TBXAS1: variants seen among roughly 807,000 people sequenced by gnomAD.
The protein encoded by TBXAS1 is thromboxane-A synthase.
In TBXAS1, 48 loss-of-function variants were observed where a neutral mutation model predicts 60.7. The observed-to-expected ratio is 0.79, with a 90% confidence interval of 0.63 to 1.01. TBXAS1 has a LOEUF of 1.01. Among genes scored for constraint, TBXAS1 ranks in the 50% least tolerant of loss-of-function variants. The probability of loss-of-function intolerance (pLI) is 0.00; values close to 1 mark genes in which losing one functional copy is unlikely to be tolerated. For missense variants in TBXAS1, 685 were observed against 686.3 expected, an observed-to-expected ratio of 1.00 and a Z score of 0.02; for synonymous variants, 287 against 269.7, an observed-to-expected ratio of 1.06 and a Z score of -0.63.
intron 1 of TBXAS1, among the ~76,000 whole-genome samples, chr7:139,870,058 A>C (rs1439992196): frequency 6.6e-6 from 1 of 152,196 alleles, no homozygotes; most frequent in East Asian, 1.9e-4. Flanking sequence ...GAAGATGCTC[A>C]AGTTCCAGAT....
upstream of TBXAS1, among the ~76,000 whole-genome samples, chr7:139,826,853 G>A (rs1486578877): frequency 6.6e-6 from 1 of 152,128 alleles, no homozygotes; most frequent in African/African-American, 2.4e-5. Context: ...TGTCTCCAGG[G>A]CATCTCAGGC....
At chr7:139,813,117 A>C (rs982258828) in intron 4 of TBXAS1, among the ~76,000 whole-genome samples, 10 of 111,966 alleles carry the variant, frequency 8.9e-5, no homozygotes, top group African/African-American at 2.8e-4. Context: ...ATAAAATAAA[A>C]TAAAATAAAA....
chr7:139,867,474 T>A (rs1801505064), intron 1 of TBXAS1, among the ~76,000 whole-genome samples: 1 of 152,186 alleles, frequency 6.6e-6, no homozygotes, highest in Admixed American at 6.5e-5. Context: ...TTATCAGAAG[T>A]GGCTTCTTTG....
chr7:139,890,340 C>A (rs574316198), intron 3 of TBXAS1, among the ~76,000 whole-genome samples: 25 of 151,284 alleles, frequency 1.7e-4, no homozygotes, highest in Non-Finnish European at 2.8e-4. Flanking sequence ...CTCAGCCTCC[C>A]GAGTAGCTGG....
chr7:139,989,351 C>G (rs992802737), intron 9 of TBXAS1, among the ~76,000 whole-genome samples: 1 of 152,180 alleles, frequency 6.6e-6, no homozygotes, highest in Non-Finnish European at 1.5e-5. Context: ...TGGCCACTTC[C>G]GTGGGCCCAG....
chr7:140,017,289 T>C (rs998813668), intron 11 of TBXAS1, among the ~76,000 whole-genome samples: 2 of 151,974 alleles, frequency 1.3e-5, no homozygotes, highest in Non-Finnish European at 2.9e-5. Context: ...GGTCATCCTA[T>C]GGGAGGGGAG....
intron 1 of TBXAS1, among the ~76,000 whole-genome samples, chr7:139,858,369 A>G (rs1263286146): frequency 6.6e-6 from 1 of 152,180 alleles, no homozygotes; most frequent in Non-Finnish European, 1.5e-5. Context: ...GGACATAATA[A>G]GTGGAGACCA....
At chr7:140,003,640 A>G (rs1813854134) in intron 9 of TBXAS1, among the ~76,000 whole-genome samples, 2 of 152,208 alleles carry the variant, frequency 1.3e-5, no homozygotes, top group African/African-American at 4.8e-5. Context: ...TTCTTTGACA[A>G]ACCGTGACAA....
intron 2 of TBXAS1, among the ~76,000 whole-genome samples, chr7:139,781,944 C>A (rs1003900904): frequency 1.3e-5 from 2 of 148,702 alleles, no homozygotes; most frequent in Non-Finnish European, 3.0e-5. Flanking sequence ...ATACAGGTTT[C>A]TTAAATTCTA....
Position 139,955,701 on chromosome 7 carries a change from C to A in TBXAS1, c.688+94C>A, listed in dbSNP as rs146275555. The A allele has an allele frequency of 5.0e-3, 7,774 of 1,567,124 alleles. 32 individuals carry two copies. Among genetic ancestry groups the A allele is most frequent in the Non-Finnish European group, 4.9e-3 (5,615 of 1,148,294 alleles). On this transcript the variant is annotated intron_variant, in intron 7 of 12. Coordinates refer to ENST00000448866, the MANE Select transcript of TBXAS1 (RefSeq NM_001061.7). Reference sequence around the variant, plus strand: ...GGTGGCTTCTGGGGCTCTGTCCCTGCCACTGGGAAAGGGCACTCGGGTTGT... The same window carrying A: ...GGTGGCTTCTGGGGCTCTGTCCCTGACACTGGGAAAGGGCACTCGGGTTGT...
At chr7:139,796,566 T>C (rs765182098) in intron 4 of TBXAS1, among the ~76,000 whole-genome samples, 35 of 152,226 alleles carry the variant, frequency 2.3e-4, no homozygotes, top group Non-Finnish European at 3.7e-4. Context: ...GGTGGATGCA[T>C]GTCATTAAAC....
At chr7:139,811,653 T>A (rs923535084) in intron 4 of TBXAS1, among the ~76,000 whole-genome samples, 1 of 152,168 alleles carries the variant, frequency 6.6e-6, no homozygotes, top group Non-Finnish European at 1.5e-5. Context: ...GAAAGGAGTT[T>A]TTCACTCTGA....
intron 4 of TBXAS1, among the ~76,000 whole-genome samples, chr7:139,931,785 C>A (rs1247977597): frequency 1.3e-5 from 2 of 152,196 alleles, no homozygotes; most frequent in African/African-American, 4.8e-5. Flanking sequence ...GGGACACAAC[C>A]AAACCATATC....
At chr7:139,905,393 A>G (rs912405686) in intron 3 of TBXAS1, among the ~76,000 whole-genome samples, 13 of 151,882 alleles carry the variant, frequency 8.6e-5, no homozygotes, top group Non-Finnish European at 1.6e-4. Context: ...TTTGTTTTTA[A>G]TTCTGTTTAT....
At chr7:139,957,903 A>G in intron 8 of TBXAS1, 139 bp downstream of exon 8, 1 of 1,286,210 alleles carries the variant, frequency 7.8e-7, no homozygotes, top group Non-Finnish European at 1.1e-6. Context: ...TACAGCTTCC[A>G]GGGACAGTGG....
intron 9 of TBXAS1, among the ~76,000 whole-genome samples, chr7:139,979,388 A>T (rs1811802068): frequency 6.6e-6 from 1 of 152,106 alleles, no homozygotes; most frequent in Admixed American, 6.5e-5. Flanking sequence ...AAAACAAAAA[A>T]CTTGCTTCAA....
intron 4 of TBXAS1, among the ~76,000 whole-genome samples, chr7:139,935,858 CT>C (rs1248015205): frequency 6.6e-6 from 1 of 152,140 alleles, no homozygotes; most frequent in Non-Finnish European, 1.5e-5. Context: ...TCCAGGAAGC[CT>C]TCCTTGTTTG....
At chr7:139,870,119 A>G (rs2116795874) in intron 1 of TBXAS1, among the ~76,000 whole-genome samples, 1 of 152,328 alleles carries the variant, frequency 6.6e-6, no homozygotes. Context: ...CGAGGCTGCA[A>G]AGGGAAGTTT....
rs1003944773 is a variant in TBXAS1 at position 139,919,599 on chromosome 7, T to C, written c.333+8278T>C. On this transcript the variant is annotated intron_variant, in intron 4 of 12. Coordinates refer to ENST00000448866, the MANE Select transcript of TBXAS1 (RefSeq NM_001061.7). ...ATATTCTATCATGCCTTTCATCCCT[T>C]TCTCCCGATAATACATGAACCCGGT... Among the ~76,000 whole-genome samples the C allele has an allele frequency of 1.6e-4, 25 of 152,228 alleles. 1 individual carries two copies. The highest frequency in any genetic ancestry group is 6.0e-4 in the African/African-American group (25 of 41,458).
Sources: allele counts gnomAD v4.1 joint callset (sites outside exome capture counted in the v4.1 genomes callset), GRCh38; gene constraint gnomAD v4.1.1; transcripts MANE v1.5; gene names NCBI Gene and HGNC (gene_info 2026-07-23, HGNC 2026-07-21).